The following CPEB2 variants were observed in gnomAD, a reference collection of about 807,000 sequenced individuals.
The protein encoded by CPEB2 is cytoplasmic polyadenylation element-binding protein 2.
CPEB2 carries 56 observed loss-of-function variants against 93.6 expected under a neutral mutation model. The observed-to-expected ratio is 0.60, with a 90% CI of 0.48 to 0.75. The LOEUF is 0.75. CPEB2 is among the 30% of genes least tolerant of loss of function. The pLI, the probability that CPEB2 is intolerant of heterozygous loss-of-function variation, is 0.00. For missense variants in CPEB2, 1,579 were observed against 1,395.1 expected (o/e 1.13, Z -2.10); for synonymous variants, 764 against 586.3 (o/e 1.30, Z -4.38).
intron 8 of CPEB2, among the ~76,000 whole-genome samples, chr4:15,055,596 A>G (rs1403864925): frequency 1.8e-4 from 27 of 152,156 alleles, no homozygotes; most frequent in Admixed American, 1.8e-3. Flanking sequence ...AGCCCTCTTC[A>G]GTTTTCTCCT....
At position 15,025,614 on chromosome 4, in the gene CPEB2, T is replaced by C. The variant is rs143449827; in HGVS notation, c.2126-7547T>C. ...CTTCTAGTCTTCTGCTTGTGAGCTG[T>C]AGGCCTAGCTGCTAGACTTCTTAGA... On this transcript the variant is annotated intron_variant, in intron 4 of 11. Transcript: ENST00000538197. Among the ~76,000 whole-genome samples, 14 of 151,914 alleles carry C rather than the reference T, an allele frequency of 9.2e-5. No individual in the cohort carries two copies. The East Asian group carries it at 2.5e-3, about 27-fold the overall frequency.
At chr4:15,010,953 T>G (rs953628222) in intron 3 of CPEB2, among the ~76,000 whole-genome samples, 5 of 152,102 alleles carry the variant, frequency 3.3e-5, no homozygotes, top group East Asian at 1.9e-4. Context: ...ATATGTAAAA[T>G]TTTGTGGGTT....
Position 15,058,552 on chromosome 4 carries a change from C to T in CPEB2, c.2580+13C>T. 1 of 1,403,520 alleles carries T rather than the reference C, an allele frequency of 7.1e-7. No individual in the cohort carries two copies. The highest frequency in any genetic ancestry group is 1.0e-6 in the Non-Finnish European group (1 of 1,003,744). 86.9% of individuals were successfully genotyped at this position (1,403,520 alleles called of 1,614,324 possible). On this transcript the variant is annotated intron_variant, in intron 9 of 11. Transcript: ENST00000538197. ...CAAGGACAAACCAGTAAGTAAATAC[C>T]ACATGAACTTCAGGCTACAAATGCA...
chr4:15,039,118 G>A (rs904503828), intron 5 of CPEB2, among the ~76,000 whole-genome samples: 2 of 152,182 alleles, frequency 1.3e-5, no homozygotes, highest in African/African-American at 4.8e-5. Flanking sequence ...CTCAAGGATA[G>A]GTTAAGTGTG....
chr4:15,003,516 C>T lies in CPEB2; in HGVS notation c.843C>T (p.Ser281=). ...GGCGCCGCCACGGAGGCGCGGGCAG[C>T]CCTCGCAAGACCCCAGCCGCGGGCG... ...APRRRHGGAG[S]PRKTPAAGEG... The change falls in exon 1 of 12, where the codon AGC becomes AGT. Residue 281 remains serine (S), a synonymous_variant. Coordinates refer to ENST00000538197, the MANE Select transcript of CPEB2 (RefSeq NM_001177382.2). 1 of 1,435,868 alleles carries T rather than the reference C, an allele frequency of 7.0e-7. No homozygotes were observed. The highest frequency in any genetic ancestry group is 9.1e-7 in the Non-Finnish European group (1 of 1,097,342). The allele number at this position is 1,435,868 out of a possible 1,614,324, so 88.9% of individuals were successfully genotyped here.
intron 3 of CPEB2, among the ~76,000 whole-genome samples, chr4:15,016,402 C>A (rs1321839521): frequency 4.6e-5 from 7 of 151,972 alleles, no homozygotes; most frequent in Non-Finnish European, 1.5e-5. Context: ...GAGTCAGATT[C>A]TTTCAAATAA....
At chr4:15,023,043 T>C (rs549232994) in intron 4 of CPEB2, among the ~76,000 whole-genome samples, 1 of 152,120 alleles carries the variant, frequency 6.6e-6, no homozygotes, top group East Asian at 1.9e-4. Flanking sequence ...TATGACAGAC[T>C]GAAATTTTTT....
intron 9 of CPEB2, among the ~76,000 whole-genome samples, chr4:15,058,836 T>C (rs1728942572): frequency 6.6e-6 from 1 of 152,154 alleles, no homozygotes; most frequent in African/African-American, 2.4e-5. Flanking sequence ...CTCATAGGAA[T>C]GCGAACCCTA....
rs1388038302 is a variant in CPEB2 at position 15,007,538 on chromosome 4, T to C, written c.1896T>C (p.Asp632=). The change falls in exon 2 of 12, where the codon GAT becomes GAC. Residue 632 remains aspartate (D), a synonymous_variant. Transcript: ENST00000538197. ...TGACTCCAAAATCTTGGATTGAAGA[T>C]AATGTGTTCAGAACAGACAACAATA... ...PSLTPKSWIE[D]NVFRTDNNSN... 2 of 1,613,512 alleles carry C rather than the reference T, an allele frequency of 1.2e-6. No individual in the cohort carries two copies. The highest frequency in any genetic ancestry group is 2.2e-5 in the South Asian group (2 of 91,004).
At chr4:15,034,609 C>A (rs771270511) in intron 5 of CPEB2, among the ~76,000 whole-genome samples, 1 of 151,788 alleles carries the variant, frequency 6.6e-6, no homozygotes, top group Non-Finnish European at 1.5e-5. Flanking sequence ...AAGGTACTAG[C>A]GGGGAGAAAA....
At chr4:15,017,347 A>G in intron 4 of CPEB2, 69 bp downstream of exon 4, 1 of 754,282 alleles carries the variant, frequency 1.3e-6, no homozygotes, top group South Asian at 1.8e-5. Context: ...TAGTTTTTAT[A>G]TGAAAGTGAA....
At chr4:15,060,125 G>T (rs1257619723) in intron 10 of CPEB2, among the ~76,000 whole-genome samples, 1 of 152,236 alleles carries the variant, frequency 6.6e-6, no homozygotes, top group South Asian at 2.1e-4. Flanking sequence ...TGAGGAATGT[G>T]TTTCACAGAA....
In CPEB2 at chr4:15,027,186, T is replaced by C. The variant is rs377321168; in HGVS notation, c.2126-5975T>C. 2.0e-5 allele frequency among the ~76,000 whole-genome samples: 3 copies of C among 152,196 alleles called. No individual in the cohort carries two copies. In the East Asian group the frequency reaches 5.8e-4, roughly 29 times the overall value. On this transcript the variant is annotated intron_variant, in intron 4 of 11. Coordinates refer to ENST00000538197, the MANE Select transcript of CPEB2 (RefSeq NM_001177382.2). ...TACCATTTTCTTGAATCAAAACTTT[T>C]TGGTATTCTATGTTCTTTGGTGTTT...
Position 15,002,484 on chromosome 4 carries a change from A to AAGG in CPEB2, c.-190_-189insAGG. 1 of 487,790 alleles carries AAGG rather than the reference A, an allele frequency of 2.1e-6. No individual in the cohort carries two copies. Among genetic ancestry groups the AAGG allele is most frequent in the Non-Finnish European group, 3.5e-6 (1 of 283,238 alleles). 30.2% of individuals were successfully genotyped at this position (487,790 alleles called of 1,614,324 possible). ...GGCCAGGGCGGCTACGGCGACTGCG[A>AAGG]CGGCGGCGGCGGCGGCGATCGCCGC... On this transcript the variant is annotated 5_prime_UTR_variant, in exon 1 of 12. Transcript: ENST00000538197.
chr4:15,062,291 C>G (rs1262300425), intron 11 of CPEB2, 31 bp downstream of exon 11: 2 of 1,556,768 alleles, frequency 1.3e-6, no homozygotes, highest in Admixed American at 3.5e-5. Flanking sequence ...TCACTTATGT[C>G]CTATAATAAG....
At position 15,002,742 on chromosome 4, in the gene CPEB2, C is replaced by T. The variant is rs1722118119; in HGVS notation, c.69C>T (p.Phe23=). ...PLRSSSPGPL[F]CGEAYGPYAV... ...GAAGTAGCAGTCCTGGGCCCCTGTT[C>T]TGCGGCGAGGCGTATGGTCCTTACG... Residue 23 remains phenylalanine, a synonymous_variant, in exon 1 of 12, where the codon TTC becomes TTT. Transcript: ENST00000538197. The T allele has an allele frequency of 3.3e-6, 5 of 1,535,156 alleles. No individual in the cohort carries two copies. The highest frequency in any genetic ancestry group is 4.4e-6 in the Non-Finnish European group (5 of 1,146,584).
chr4:15,008,282 G>T, intron 2 of CPEB2, 56 bp from the exon 3 acceptor site: 3 of 1,158,710 alleles, frequency 2.6e-6, no homozygotes, highest in Admixed American at 1.7e-5. Context: ...CTTTCGTTGG[G>T]TGGGTATGGG....
At chr4:15,014,871 A>G (rs2108980139) in intron 3 of CPEB2, among the ~76,000 whole-genome samples, 1 of 152,218 alleles carries the variant, frequency 6.6e-6, no homozygotes, top group Non-Finnish European at 1.5e-5. Context: ...ATATCTGGAT[A>G]GATTCCTAAA....
At chr4:15,039,939 G>A (rs1245212407) in intron 5 of CPEB2, among the ~76,000 whole-genome samples, 2 of 152,104 alleles carry the variant, frequency 1.3e-5, no homozygotes, top group Non-Finnish European at 2.9e-5. Flanking sequence ...AGGCTTCAGA[G>A]TATCAGTTTA....
Sources: gnomAD v4.1 joint callset for allele counts (sites outside exome capture counted in the v4.1 genomes callset) on GRCh38, gnomAD v4.1.1 for gene constraint, MANE v1.5 for transcripts, NCBI Gene and HGNC (gene_info 2026-07-23, HGNC 2026-07-21) for gene names.